Variants in TFG observed in about 807,000 individuals in gnomAD.
The protein encoded by TFG is protein TFG.
A neutral mutation model predicts 51.4 loss-of-function variants in TFG; 22 were observed. That is an observed-to-expected ratio of 0.43 (90% confidence interval 0.31 to 0.61). The LOEUF (loss-of-function observed/expected upper bound fraction) is 0.61, where lower values mean the gene tolerates loss of function less well. Ranked by LOEUF, TFG falls within the 20% of genes least tolerant of loss-of-function variation. The pLI is 0.12. For synonymous variants in TFG, 187 were observed against 165.6 expected, an observed-to-expected ratio of 1.13 and a Z score of -0.99; for missense variants, 419 against 487.7, an observed-to-expected ratio of 0.86 and a Z score of 1.33.
chr3:100,720,066 G>A lies in TFG; in HGVS notation c.268+8G>A, dbSNP rs1227137986. ...TGAAACTGACATTATTTGGTGAGTA[G>A]TAAACTTTCTAATGAATTTACTATT... On this transcript the variant is annotated splice_region_variant and intron_variant, in intron 3 of 7. Coordinates refer to ENST00000240851, the MANE Select transcript of TFG (RefSeq NM_006070.6). 6.6e-7 allele frequency: 1 copy of A among 1,506,040 alleles called. No homozygotes were observed. Among genetic ancestry groups the A allele is most frequent in the East Asian group, 2.4e-5 (1 of 41,654 alleles). 93.3% of individuals were successfully genotyped at this position (1,506,040 alleles called of 1,614,324 possible).
At chr3:100,731,131 T>A (rs1451246216) in intron 4 of TFG, among the ~76,000 whole-genome samples, 2 of 152,202 alleles carry the variant, frequency 1.3e-5, no homozygotes, top group Non-Finnish European at 2.9e-5. Flanking sequence ...AGAAGATACA[T>A]TTTGTATTGA....
intron 3 of TFG, among the ~76,000 whole-genome samples, chr3:100,720,553 T>G (rs1315702257): frequency 6.6e-6 from 1 of 152,156 alleles, no homozygotes; most frequent in African/African-American, 2.4e-5. Flanking sequence ...CATGTGCAAT[T>G]CACAATAGGG....
intron 5 of TFG, among the ~76,000 whole-genome samples, chr3:100,733,199 T>G (rs1162036725): frequency 6.6e-6 from 1 of 152,144 alleles, no homozygotes; most frequent in Non-Finnish European, 1.5e-5. Context: ...TCTTCATTAT[T>G]TTTTCCTGCT....
At chr3:100,711,793 G>A (rs1166096413) in intron 1 of TFG, among the ~76,000 whole-genome samples, 3 of 152,118 alleles carry the variant, frequency 2.0e-5, no homozygotes, top group Middle Eastern at 3.2e-3. Context: ...TTACTCTTAG[G>A]CTGCCAGAGC....
At chr3:100,733,614 A>C (rs1171805808) in intron 5 of TFG, among the ~76,000 whole-genome samples, 1 of 151,910 alleles carries the variant, frequency 6.6e-6, no homozygotes, top group African/African-American at 2.4e-5. Flanking sequence ...CCTCTCCCCC[A>C]CACACACTCC....
chr3:100,732,979 T>A (rs1288562450), intron 5 of TFG, among the ~76,000 whole-genome samples: 1 of 152,218 alleles, frequency 6.6e-6, no homozygotes, highest in Non-Finnish European at 1.5e-5. Context: ...AGAAAGTTTT[T>A]AAAAATCTGA....
At position 100,719,082 on chromosome 3, in the gene TFG, G is replaced by A. The variant is rs181777182; in HGVS notation, c.185-893G>A. On this transcript the variant is annotated intron_variant, in intron 2 of 7. Coordinates refer to ENST00000240851, the MANE Select transcript of TFG (RefSeq NM_006070.6). The stretch of plus-strand genomic sequence containing the variant: ...TAAACAAGTATGTTATGGGAAGTGG[G>A]TCTGGCTATAAGGAGCTAAAAACAG... Among the ~76,000 whole-genome samples the A allele has an allele frequency of 2.4e-3, 370 of 152,302 alleles. 3 individuals are homozygous for A. The highest frequency in any genetic ancestry group is 8.4e-3 in the African/African-American group (351 of 41,554).
intron 6 of TFG, among the ~76,000 whole-genome samples, chr3:100,740,493 C>G (rs1301497484): frequency 6.6e-6 from 1 of 152,160 alleles, no homozygotes; most frequent in Admixed American, 6.5e-5. Flanking sequence ...AGAAATGTCA[C>G]TGTCATTTCT....
intron 2 of TFG, among the ~76,000 whole-genome samples, chr3:100,715,776 A>G (rs1576355030): frequency 6.6e-6 from 1 of 151,788 alleles, no homozygotes; most frequent in South Asian, 2.1e-4. Context: ...GCTACAGTGC[A>G]GTGGCATGAT....
intron 7 of TFG, chr3:100,747,581 G>A (rs905619509): frequency 2.0e-5 from 3 of 152,486 alleles, no homozygotes; most frequent in African/African-American, 7.2e-5. Context: ...CTTTTTATGT[G>A]TTATGCTGTA....
chr3:100,727,423 A>C (rs1216756915), intron 3 of TFG, among the ~76,000 whole-genome samples: 1 of 152,240 alleles, frequency 6.6e-6, no homozygotes, highest in Non-Finnish European at 1.5e-5. Context: ...AAACATGTTT[A>C]ACAAAGAATC....
chr3:100,725,880 G>A (rs2095074258), intron 3 of TFG, among the ~76,000 whole-genome samples: 1 of 152,180 alleles, frequency 6.6e-6, no homozygotes, highest in Non-Finnish European at 1.5e-5. Context: ...GTTCATTAAA[G>A]TCTTATGATT....
At chr3:100,733,080 A>C (rs1475839444) in intron 5 of TFG, among the ~76,000 whole-genome samples, 1 of 152,112 alleles carries the variant, frequency 6.6e-6, no homozygotes, top group Non-Finnish European at 1.5e-5. Flanking sequence ...TTAAATGTAG[A>C]TTTTCTTGTT....
intron 2 of TFG, among the ~76,000 whole-genome samples, 177 bp downstream of exon 2, chr3:100,714,046 A>T (rs2095038601): frequency 6.6e-6 from 1 of 151,322 alleles, no homozygotes; most frequent in Admixed American, 6.6e-5. Context: ...TACAGGCATG[A>T]ACTGCCATGC....
intron 3 of TFG, among the ~76,000 whole-genome samples, chr3:100,721,183 T>A (rs532999891): frequency 6.6e-6 from 1 of 152,196 alleles, no homozygotes; most frequent in African/African-American, 2.4e-5. Context: ...CTGAAGACCC[T>A]TACTTTAAAC....
intron 5 of TFG, among the ~76,000 whole-genome samples, chr3:100,734,241 T>C (rs1330247311): frequency 6.6e-6 from 1 of 152,196 alleles, no homozygotes; most frequent in Non-Finnish European, 1.5e-5. Flanking sequence ...AAACTGCTCC[T>C]TCTTTCTCCC....
intron 5 of TFG, among the ~76,000 whole-genome samples, chr3:100,732,988 G>A (rs1352090365): frequency 1.3e-5 from 2 of 152,122 alleles, no homozygotes; most frequent in Non-Finnish European, 2.9e-5. Context: ...TTAAAAATCT[G>A]AACTATTTTA....
chr3:100,718,156 G>C (rs1487041911), intron 2 of TFG, among the ~76,000 whole-genome samples: 1 of 152,110 alleles, frequency 6.6e-6, no homozygotes, highest in African/African-American at 2.4e-5. Context: ...TGAACTCCTG[G>C]GCTCAAGCGA....
chr3:100,714,062 C>T (rs2095038679), intron 2 of TFG, among the ~76,000 whole-genome samples, 193 bp downstream of exon 2: 1 of 152,026 alleles, frequency 6.6e-6, no homozygotes, highest in South Asian at 2.1e-4. Flanking sequence ...CATGCCTGAC[C>T]TTAAAGTCTT....
Sources: gnomAD v4.1 joint callset for allele counts (sites outside exome capture counted in the v4.1 genomes callset) on GRCh38, gnomAD v4.1.1 for gene constraint, MANE v1.5 for transcripts, NCBI Gene and HGNC (gene_info 2026-07-23, HGNC 2026-07-21) for gene names.